APPL2: variants seen among roughly 807,000 people sequenced by gnomAD.
APPL2 encodes adaptor protein, phosphotyrosine interacting with PH domain and leucine zipper 2.
In APPL2, 84 loss-of-function variants were observed where a neutral mutation model predicts 92.7. The ratio of observed to expected loss-of-function variants is 0.91; its 90% CI spans 0.76 to 1.09. The LOEUF (loss-of-function observed/expected upper bound fraction) is 1.09, where lower values mean the gene tolerates loss of function less well. Among genes scored for constraint, APPL2 ranks in the 50% least tolerant of loss-of-function variants. The pLI is 0.00. For missense variants in APPL2, 736 were observed against 824.5 expected (o/e 0.89, Z 1.31); for synonymous variants, 291 against 291.0 (o/e 1.00, Z 0.00).
intron 4 of APPL2, among the ~76,000 whole-genome samples, chr12:105,215,400 G>A (rs1383941973): frequency 6.6e-6 from 1 of 152,194 alleles, no homozygotes; most frequent in African/African-American, 2.4e-5. Flanking sequence ...TGAAAGTATA[G>A]AAAGAGAATG....
chr12:105,179,830 T>C (rs953855215), intron 17 of APPL2, among the ~76,000 whole-genome samples: 1 of 152,242 alleles, frequency 6.6e-6, no homozygotes, highest in Non-Finnish European at 1.5e-5. Flanking sequence ...GTTGTTTTAT[T>C]CTTGTAAATG....
At chr12:105,207,020 A>T in intron 8 of APPL2, 41 bp downstream of exon 8, 1 of 1,597,806 alleles carries the variant, frequency 6.3e-7, no homozygotes, top group South Asian at 1.1e-5. Flanking sequence ...AGAACGCCAC[A>T]GCTAGCTTAG....
At chr12:105,175,026 G>A (rs1885389199) in intron 20 of APPL2, among the ~76,000 whole-genome samples, 1 of 152,152 alleles carries the variant, frequency 6.6e-6, no homozygotes, top group Non-Finnish European at 1.5e-5. Flanking sequence ...TGGGACTACA[G>A]GTGTGCACCA....
chr12:105,235,794 G>A (rs897913081), intron 1 of APPL2, among the ~76,000 whole-genome samples, 165 bp downstream of exon 1: 2 of 152,030 alleles, frequency 1.3e-5, no homozygotes, highest in Non-Finnish European at 2.9e-5. Flanking sequence ...TCAGGGCCCG[G>A]CCCGCCCCCT....
rs754557345 is a variant in APPL2 at position 105,174,300 on chromosome 12, C to T, written c.*14G>A. ...CTCCTTCCTGTTTGCTCTTCCCCCACAGGCGCAAGTGAGTTATGCTTCGGA... is the reference window on the plus strand; with the variant it reads ...CTCCTTCCTGTTTGCTCTTCCCCCATAGGCGCAAGTGAGTTATGCTTCGGA... On this transcript the variant is annotated 3_prime_UTR_variant, in exon 21 of 21. Coordinates refer to ENST00000258530, the MANE Select transcript of APPL2 (RefSeq NM_018171.5). The T allele has an allele frequency of 3.7e-6, 6 of 1,612,756 alleles. No individual in the cohort carries two copies. Among genetic ancestry groups the T allele is most frequent in the South Asian group, 2.2e-5 (2 of 90,834 alleles).
chr12:105,231,056 T>G (rs1182079745), intron 1 of APPL2, among the ~76,000 whole-genome samples: 1 of 152,244 alleles, frequency 6.6e-6, no homozygotes. Flanking sequence ...ACATTGTGGC[T>G]TTTTCCTATT....
intron 2 of APPL2, among the ~76,000 whole-genome samples, chr12:105,223,228 G>C (rs896927932): frequency 1.3e-5 from 2 of 152,188 alleles, no homozygotes; most frequent in Non-Finnish European, 2.9e-5. Flanking sequence ...AACTGCAATC[G>C]CCCAGGGAAG....
chr12:105,223,455 C>G (rs1300423195), intron 2 of APPL2, among the ~76,000 whole-genome samples: 2 of 152,096 alleles, frequency 1.3e-5, no homozygotes, highest in African/African-American at 4.8e-5. Flanking sequence ...GAACAAGGGG[C>G]AGAGCCCAGG....
chr12:105,200,849 T>G (rs1888109656), intron 9 of APPL2, among the ~76,000 whole-genome samples: 1 of 131,520 alleles, frequency 7.6e-6, no homozygotes, highest in Non-Finnish European at 1.6e-5. Flanking sequence ...TGTATGTATG[T>G]ATGTATGTAT....
intron 5 of APPL2, among the ~76,000 whole-genome samples, chr12:105,210,032 C>T (rs963645077): frequency 6.6e-6 from 1 of 152,106 alleles, no homozygotes; most frequent in African/African-American, 2.4e-5. Flanking sequence ...GCGATCTCGG[C>T]TCACTGCAAC....
intron 2 of APPL2, among the ~76,000 whole-genome samples, chr12:105,224,039 G>A (rs1361032763): frequency 6.6e-6 from 1 of 152,192 alleles, no homozygotes. Flanking sequence ...GTACCTGAGT[G>A]AGTGAGCCTC....
chr12:105,201,386 A>G (rs1316934254), intron 9 of APPL2, among the ~76,000 whole-genome samples: 2 of 152,286 alleles, frequency 1.3e-5, no homozygotes, highest in African/African-American at 4.8e-5. Context: ...AGCTCAGCAC[A>G]TAGAACGGGG....
chr12:105,176,288 A>C (rs970613902), intron 19 of APPL2: 1 of 554,944 alleles, frequency 1.8e-6, no homozygotes, highest in Non-Finnish European at 3.1e-6. Flanking sequence ...ATGCCACACA[A>C]AAAATATTCC....
intron 10 of APPL2, 27 bp from the exon 11 acceptor site, chr12:105,197,980 T>G: frequency 6.2e-7 from 1 of 1,607,026 alleles, no homozygotes; most frequent in Non-Finnish European, 8.5e-7. Flanking sequence ...AAAAAGCCCA[T>G]TAGTACCAGA....
rs377680291 is a variant in APPL2, at chr12:105,229,203, C to T, written c.75G>A (p.Val25=). 2 of 1,613,730 alleles carry T rather than the reference C, an allele frequency of 1.2e-6. No individual in the cohort carries two copies. The highest frequency in any genetic ancestry group is 1.7e-6 in the Non-Finnish European group (2 of 1,179,896). Residue 25 remains valine (V), a synonymous_variant, in exon 2 of 21, where the codon GTG becomes GTA. Coordinates refer to ENST00000258530, the MANE Select transcript of APPL2 (RefSeq NM_018171.5). ...DSPQTRSLLS[V]FEEDAGTLTD... The stretch of plus-strand genomic sequence containing the variant: ...TGAGGGTGCCAGCATCTTCTTCAAA[C>T]ACGCTCAGTAAAGAGCGAGTCTGGA...
intron 17 of APPL2, among the ~76,000 whole-genome samples, chr12:105,186,716 CATAT>C (rs1352538358): frequency 9.2e-6 from 1 of 108,530 alleles, no homozygotes; most frequent in African/African-American, 5.4e-5. Context: ...TATATCATAT[CATAT>C]ATATATCATA....
At position 105,197,858 on chromosome 12, in the gene APPL2, C is replaced by T; in HGVS notation, c.959G>A (p.Gly320Asp). Residue 320 changes from glycine (G) to aspartate (D), a missense_variant, in exon 11 of 21, where the codon GGT becomes GAT. Gly to Asp is a moderately conservative substitution (Grantham distance 94, BLOSUM62 -1). Transcript: ENST00000258530. ...MCQPRGAVAGGLIQDLDNCSV... is the reference protein window; with the variant it reads ...MCQPRGAVAGDLIQDLDNCSV... ...GCAGTTGTCCAGGTCCTGGATCAAA[C>T]CTCCAGCCACGGCTCCCCTGGGCTG... 6.2e-7 allele frequency: 1 copy of T among 1,614,200 alleles called. No individual in the cohort carries two copies. Among genetic ancestry groups the T allele is most frequent in the Non-Finnish European group, 8.5e-7 (1 of 1,180,040 alleles).
chr12:105,232,233 C>G (rs1890977753), intron 1 of APPL2, among the ~76,000 whole-genome samples: 1 of 152,272 alleles, frequency 6.6e-6, no homozygotes, highest in East Asian at 1.9e-4. Context: ...GAGTGGAATT[C>G]CATCCATTTT....
intron 4 of APPL2, among the ~76,000 whole-genome samples, chr12:105,214,274 C>T (rs1889464112): frequency 6.6e-6 from 1 of 152,234 alleles, no homozygotes; most frequent in Non-Finnish European, 1.5e-5. Context: ...CCCATGACAA[C>T]GTGGTTGTAA....
Sources: allele counts gnomAD v4.1 joint callset (sites outside exome capture counted in the v4.1 genomes callset), GRCh38; gene constraint gnomAD v4.1.1; transcripts MANE v1.5; gene names NCBI Gene and HGNC (gene_info 2026-07-23, HGNC 2026-07-21).